Variants in KHDRBS2 observed in about 807,000 individuals in gnomAD.
The protein encoded by KHDRBS2 is KH domain-containing, RNA-binding, signal transduction-associated protein 2.
In KHDRBS2, 26 loss-of-function variants were observed where a neutral mutation model predicts 44.3. The observed-to-expected ratio is 0.59, with a 90% CI of 0.43 to 0.81. KHDRBS2 has a LOEUF of 0.81. KHDRBS2 is among the 40% of genes least tolerant of loss of function. The pLI is 0.00. For synonymous variants in KHDRBS2, 194 were observed against 151.1 expected (o/e 1.28, Z -2.08); for missense variants, 476 against 433.1 (o/e 1.10, Z -0.88).
the KHDRBS2 span, among the ~76,000 whole-genome samples, chr6:61,603,699 C>T: frequency 1.3e-4 from 20 of 152,152 alleles, no homozygotes; most frequent in Non-Finnish European, 2.5e-4. Context: ...TATTTTCTTC[C>T]TCCCACCTGA....
intron 1 of KHDRBS2, among the ~76,000 whole-genome samples, chr6:62,283,129 T>A (rs1406075642): frequency 6.6e-6 from 1 of 152,164 alleles, no homozygotes; most frequent in East Asian, 1.9e-4. Context: ...TAAACAACAT[T>A]ATAATCGCAG....
At chr6:61,579,678 A>G in the KHDRBS2 span, among the ~76,000 whole-genome samples, 1 of 152,180 alleles carries the variant, frequency 6.6e-6, no homozygotes, top group African/African-American at 2.4e-5. Context: ...AGTTATGAGA[A>G]TTTGGCTTAA....
intron 8 of KHDRBS2, among the ~76,000 whole-genome samples, chr6:61,689,146 A>G (rs1582170102): frequency 6.6e-6 from 1 of 151,880 alleles, no homozygotes; most frequent in East Asian, 1.9e-4. Flanking sequence ...TTTATCTATT[A>G]TTACATAATG....
At chr6:61,775,855 C>G (rs971980534) in intron 6 of KHDRBS2, among the ~76,000 whole-genome samples, 3 of 152,182 alleles carry the variant, frequency 2.0e-5, no homozygotes, top group African/African-American at 7.2e-5. Context: ...GTCAAAAGAA[C>G]AAAGCTGGAG....
At chr6:61,936,482 A>T (rs771747492) in intron 4 of KHDRBS2, among the ~76,000 whole-genome samples, 5 of 150,392 alleles carry the variant, frequency 3.3e-5, no homozygotes, top group Non-Finnish European at 7.4e-5. Flanking sequence ...CTTTAACCAT[A>T]CTCCTATATA....
At chr6:62,141,397 CA>C (rs1260940680) in intron 2 of KHDRBS2, among the ~76,000 whole-genome samples, 1 of 152,044 alleles carries the variant, frequency 6.6e-6, no homozygotes, top group Non-Finnish European at 1.5e-5. Context: ...GAAGAATTGG[CA>C]AAATATAAAT....
In KHDRBS2 at chr6:62,230,224, T is replaced by C. The variant is rs116755177; in HGVS notation, c.92-52912A>G. 1.4e-3 allele frequency among the ~76,000 whole-genome samples: 217 copies of C among 152,332 alleles called. 2 individuals carry two copies. The highest frequency in any genetic ancestry group is 5.1e-3 in the African/African-American group (213 of 41,584). On this transcript the variant is annotated intron_variant, in intron 1 of 8. Coordinates refer to ENST00000281156, the MANE Select transcript of KHDRBS2 (RefSeq NM_152688.4). ...AAACACTAAAGCAAGAAATGTTTCATAAAATGTTACAAAATAGTTTCAGGT... is the reference window on the plus strand; with the variant it reads ...AAACACTAAAGCAAGAAATGTTTCACAAAATGTTACAAAATAGTTTCAGGT...
the KHDRBS2 span, among the ~76,000 whole-genome samples, chr6:61,674,378 T>A: frequency 1.3e-5 from 2 of 151,798 alleles, no homozygotes; most frequent in Admixed American, 1.3e-4. Context: ...TCCACAGTAT[T>A]TTGGAAAATG....
At position 61,866,067 on chromosome 6, in the gene KHDRBS2, G is replaced by A. The variant is rs114008225; in HGVS notation, c.810+28568C>T. 5.6e-3 allele frequency among the ~76,000 whole-genome samples: 852 copies of A among 152,262 alleles called. 4 individuals are homozygous for A. Among genetic ancestry groups the A allele is most frequent in the Non-Finnish European group, 7.3e-3 (496 of 68,016 alleles). ...TCTACTATTCTGGGCTCTGGAGGAT[G>A]GTGGCCCTCTTCTCACAGTTCCTGG... On this transcript the variant is annotated intron_variant, in intron 6 of 8. Transcript: ENST00000281156.
intron 5 of KHDRBS2, 88 bp downstream of exon 5, chr6:61,901,156 G>A: frequency 7.9e-7 from 1 of 1,271,242 alleles, no homozygotes; most frequent in East Asian, 2.4e-5. Context: ...TGATGTTGTT[G>A]TTTACTGCTA....
In KHDRBS2 at chr6:61,954,890, A is replaced by ACACATATG. The variant is rs1244843261; in HGVS notation, c.483+23175_483+23176insCATATGTG. On this transcript the variant is annotated intron_variant, in intron 4 of 8. Coordinates refer to ENST00000281156, the MANE Select transcript of KHDRBS2 (RefSeq NM_152688.4). ...CATACATATGTGTATATATGTATAT[A>ACACATATG]TACACATACATATGTGTGCATACAT... Among the ~76,000 whole-genome samples the ACACATATG allele has an allele frequency of 3.5e-4, 50 of 144,792 alleles. 5 individuals are homozygous for ACACATATG. Among genetic ancestry groups the ACACATATG allele is most frequent in the African/African-American group, 1.2e-3 (50 of 40,250 alleles). The allele number at this position is 144,792 out of a possible 152,430, so 95.0% of individuals were successfully genotyped here.
chr6:62,136,993 C>CTTTTTTTTTT (rs141092447), intron 2 of KHDRBS2, among the ~76,000 whole-genome samples: 101 of 78,302 alleles, frequency 1.3e-3, no homozygotes, highest in East Asian at 3.8e-3. Flanking sequence ...TCTTTCTTTT[C>CTTTTTTTTTT]TTTTTTTTTT....
chr6:61,806,201 T>C (rs993120949), intron 6 of KHDRBS2, among the ~76,000 whole-genome samples: 1 of 152,150 alleles, frequency 6.6e-6, no homozygotes, highest in African/African-American at 2.4e-5. Context: ...GGAAATGACA[T>C]TGAAAGTTTC....
the KHDRBS2 span, among the ~76,000 whole-genome samples, chr6:61,580,108 A>G: frequency 6.6e-6 from 1 of 152,202 alleles, no homozygotes; most frequent in Admixed American, 6.5e-5. Flanking sequence ...GAGATCTTAC[A>G]GCCACAAAAG....
chr6:61,923,291 G>A (rs1041928596), intron 4 of KHDRBS2, among the ~76,000 whole-genome samples: 1 of 152,060 alleles, frequency 6.6e-6, no homozygotes, highest in South Asian at 2.1e-4. Flanking sequence ...AGAAATGTGA[G>A]AGGTAATATC....
chr6:62,000,159 G>T (rs907497336), intron 3 of KHDRBS2, among the ~76,000 whole-genome samples: 1 of 152,060 alleles, frequency 6.6e-6, no homozygotes, highest in African/African-American at 2.4e-5. Flanking sequence ...GCACACATGT[G>T]TTTGCTGGAT....
chr6:62,221,638 TA>T (rs1342222998), intron 1 of KHDRBS2, among the ~76,000 whole-genome samples: 2 of 152,048 alleles, frequency 1.3e-5, no homozygotes. Flanking sequence ...TGGCTCACCA[TA>T]CAAGAAGTGA....
intron 4 of KHDRBS2, among the ~76,000 whole-genome samples, chr6:61,970,214 C>G (rs1002894900): frequency 1.3e-5 from 2 of 151,784 alleles, no homozygotes; most frequent in African/African-American, 4.8e-5. Context: ...CATCATATAT[C>G]AATAATTCAT....
At chr6:62,260,523 T>C (rs1838166688) in intron 1 of KHDRBS2, among the ~76,000 whole-genome samples, 1 of 152,002 alleles carries the variant, frequency 6.6e-6, no homozygotes, top group African/African-American at 2.4e-5. Context: ...TGATCTCCAG[T>C]TCTCTTTTGT....
Sources: gnomAD v4.1 joint callset for allele counts (sites outside exome capture counted in the v4.1 genomes callset) on GRCh38, gnomAD v4.1.1 for gene constraint, MANE v1.5 for transcripts, NCBI Gene and HGNC (gene_info 2026-07-23, HGNC 2026-07-21) for gene names.